The following PDGFD variants were observed in gnomAD, a reference collection of about 807,000 sequenced individuals.
PDGFD encodes the protein platelet derived growth factor D.
PDGFD carries 30 observed loss-of-function variants against 44.7 expected under a neutral mutation model. That is an observed-to-expected ratio of 0.67 (90% CI 0.50 to 0.91). PDGFD has a LOEUF of 0.91. Among genes scored for constraint, PDGFD ranks in the 40% least tolerant of loss-of-function variants. The pLI, the probability that PDGFD is intolerant of heterozygous loss-of-function variation, is 0.00. For synonymous variants in PDGFD, 173 were observed against 168.4 expected (o/e 1.03, Z -0.21); for missense variants, 445 against 457.8 (o/e 0.97, Z 0.25).
At chr11:104,095,147 T>C (rs1861265405) in intron 1 of PDGFD, among the ~76,000 whole-genome samples, 1 of 152,176 alleles carries the variant, frequency 6.6e-6, no homozygotes, top group Non-Finnish European at 1.5e-5. Context: ...CCTTCTCTGA[T>C]CACCTACCAA....
intron 3 of PDGFD, among the ~76,000 whole-genome samples, chr11:103,956,200 T>C (rs1858843619): frequency 2.0e-5 from 3 of 151,638 alleles, no homozygotes; most frequent in Admixed American, 2.0e-4. Context: ...CTCCTAATGC[T>C]ATCCCTCCCC....
chr11:104,064,507 T>C (rs763852431), intron 1 of PDGFD, among the ~76,000 whole-genome samples: 5 of 152,158 alleles, frequency 3.3e-5, no homozygotes, highest in Admixed American at 6.5e-5. Flanking sequence ...ACTCAGTACA[T>C]AGATGACAGT....
intron 3 of PDGFD, among the ~76,000 whole-genome samples, chr11:103,951,861 G>A (rs1858763175): frequency 6.6e-6 from 1 of 152,114 alleles, no homozygotes; most frequent in Admixed American, 6.6e-5. Flanking sequence ...ATAATTTTAT[G>A]TTTGTTTTAT....
At chr11:104,146,271 C>T (rs1862161389) in intron 1 of PDGFD, among the ~76,000 whole-genome samples, 1 of 152,098 alleles carries the variant, frequency 6.6e-6, no homozygotes, top group Non-Finnish European at 1.5e-5. Context: ...CGTTTGGGAA[C>T]AAATACAACA....
intron 5 of PDGFD, among the ~76,000 whole-genome samples, chr11:103,932,403 C>T (rs189866538): frequency 6.2e-4 from 95 of 152,232 alleles, no homozygotes; most frequent in African/African-American, 2.1e-3. Flanking sequence ...GGCTTAGCTA[C>T]GAAGTTCAGT....
intron 1 of PDGFD, among the ~76,000 whole-genome samples, chr11:104,047,922 A>C (rs1278342705): frequency 6.6e-6 from 1 of 152,110 alleles, no homozygotes; most frequent in East Asian, 1.9e-4. Flanking sequence ...TAGTTGGCCA[A>C]ATGATTATAG....
intron 1 of PDGFD, among the ~76,000 whole-genome samples, chr11:104,014,898 T>A (rs1859837891): frequency 6.6e-6 from 1 of 152,176 alleles, no homozygotes; most frequent in South Asian, 2.1e-4. Flanking sequence ...CCTCACTCTA[T>A]CAGCATTTAT....
intron 1 of PDGFD, among the ~76,000 whole-genome samples, chr11:104,148,897 C>T (rs1268544652): frequency 2.0e-5 from 3 of 152,162 alleles, no homozygotes; most frequent in East Asian, 1.9e-4. Context: ...CCAGCTTTAC[C>T]CACGTCTCTG....
At chr11:104,022,813 A>G (rs997378292) in intron 1 of PDGFD, among the ~76,000 whole-genome samples, 13 of 152,100 alleles carry the variant, frequency 8.5e-5, no homozygotes, top group African/African-American at 2.4e-4. Flanking sequence ...ATATATATGT[A>G]TATACACACA....
chr11:103,975,093 C>CTAA, intron 3 of PDGFD, among the ~76,000 whole-genome samples: 3 of 152,342 alleles, frequency 2.0e-5, no homozygotes, highest in Admixed American at 2.0e-4. Context: ...ATTGGTTGAA[C>CTAA]TAATTTACAC....
intron 1 of PDGFD, among the ~76,000 whole-genome samples, chr11:104,059,096 C>G (rs1222647553): frequency 1.3e-5 from 2 of 152,142 alleles, no homozygotes; most frequent in African/African-American, 4.8e-5. Flanking sequence ...TGTCAAAACT[C>G]AACCTGTACA....
chr11:104,080,653 A>C (rs1414999231), intron 1 of PDGFD, among the ~76,000 whole-genome samples: 1 of 152,200 alleles, frequency 6.6e-6, no homozygotes, highest in Non-Finnish European at 1.5e-5. Context: ...ATCCTTGCTT[A>C]CTTCTGTTGT....
intron 3 of PDGFD, among the ~76,000 whole-genome samples, chr11:103,983,198 T>C (rs1460123144): frequency 6.6e-6 from 1 of 151,554 alleles, no homozygotes; most frequent in African/African-American, 2.4e-5. Context: ...ACCAAAACAG[T>C]GTGGCACTGG....
rs371829451 is a variant in PDGFD, at chr11:104,013,094, G to A, written c.125-12839C>T. ...CAGAGGAGCAGAGCAGTATGGCAGA[G>A]AAGGAGAAAAAACAAGTGTCTGAAT... On this transcript the variant is annotated intron_variant, in intron 1 of 6. Transcript: ENST00000393158. Among the ~76,000 whole-genome samples, 27 of 152,318 alleles carry A rather than the reference G, an allele frequency of 1.8e-4. No individual in the cohort carries two copies. In the South Asian group the frequency reaches 5.6e-3, roughly 32 times the overall value.
chr11:104,024,848 T>G (rs1860018742), intron 1 of PDGFD, among the ~76,000 whole-genome samples: 1 of 152,256 alleles, frequency 6.6e-6, no homozygotes, highest in African/African-American at 2.4e-5. Flanking sequence ...CAAATCTGTA[T>G]AATCTCTATT....
chr11:103,919,141 C>T (rs1236243638), intron 6 of PDGFD, among the ~76,000 whole-genome samples: 1 of 152,190 alleles, frequency 6.6e-6, no homozygotes, highest in Non-Finnish European at 1.5e-5. Context: ...GCCAGGGAAA[C>T]TTGACGTCTA....
At chr11:103,954,810 T>C (rs1858812181) in intron 3 of PDGFD, among the ~76,000 whole-genome samples, 1 of 152,170 alleles carries the variant, frequency 6.6e-6, no homozygotes, top group Non-Finnish European at 1.5e-5. Flanking sequence ...TGCTTTTGAA[T>C]TTCAAAAGAA....
intron 1 of PDGFD, among the ~76,000 whole-genome samples, chr11:104,132,649 C>A (rs549458146): frequency 3.2e-4 from 48 of 152,210 alleles, no homozygotes; most frequent in African/African-American, 1.0e-3. Context: ...AGATAATATA[C>A]ATCTTTATAT....
chr11:103,924,816 T>C (rs1209842942), intron 6 of PDGFD, among the ~76,000 whole-genome samples: 1 of 152,138 alleles, frequency 6.6e-6, no homozygotes, highest in Non-Finnish European at 1.5e-5. Context: ...GGACACTTTT[T>C]AAAAATTATT....
Sources: gnomAD v4.1 joint callset for allele counts (sites outside exome capture counted in the v4.1 genomes callset) on GRCh38, gnomAD v4.1.1 for gene constraint, MANE v1.5 for transcripts, NCBI Gene and HGNC (gene_info 2026-07-23, HGNC 2026-07-21) for gene names.